The following RSAD2 variants were observed in gnomAD, a reference collection of about 807,000 sequenced individuals.
The protein encoded by RSAD2 is S-adenosylmethionine-dependent nucleotide dehydratase RSAD2.
RSAD2 carries 38 observed loss-of-function variants against 37.7 expected under a neutral mutation model. That is an observed-to-expected ratio of 1.01 (90% CI 0.78 to 1.32). RSAD2 has a LOEUF of 1.32. Ranked by LOEUF, RSAD2 falls within the 40% of genes most tolerant of loss-of-function variation. The pLI is 0.00. For missense variants in RSAD2, 428 were observed against 437.5 expected (o/e 0.98, Z 0.19); for synonymous variants, 163 against 157.4 (o/e 1.04, Z -0.27).
rs1053189122 is a variant in RSAD2, at chr2:6,896,198, G to A, written c.*256G>A. 3.6e-5 allele frequency: 13 copies of A among 362,964 alleles called. No individual in the cohort carries two copies. Among genetic ancestry groups the A allele is most frequent in the African/African-American group, 2.2e-4 (11 of 48,958 alleles). 22.5% of individuals were successfully genotyped at this position (362,964 alleles called of 1,614,324 possible). A position where few individuals can be genotyped will look rare whatever the true frequency, so the allele number is the denominator to read the frequency against. Reference sequence around the variant, plus strand: ...ATTGAAACAGCACTTCTGTTTTTGAGTTTGTTTTAGCTAAAAAGAAGGAAT... The same window carrying A: ...ATTGAAACAGCACTTCTGTTTTTGAATTTGTTTTAGCTAAAAAGAAGGAAT... On this transcript the variant is annotated 3_prime_UTR_variant, in exon 6 of 6. Transcript: ENST00000382040.
chr2:6,884,016 G>C (rs755920936), intron 2 of RSAD2, among the ~76,000 whole-genome samples: 2 of 152,160 alleles, frequency 1.3e-5, no homozygotes, highest in Non-Finnish European at 2.9e-5. Context: ...GAGATTCCTC[G>C]CAGTTCAGTT....
rs758309541 is a variant in RSAD2 at position 6,879,018 on chromosome 2, T to C, written c.346+872T>C. 2.4e-4 allele frequency: 113 copies of C among 465,236 alleles called. 1 individual carries two copies. Among genetic ancestry groups the C allele is most frequent in the Non-Finnish European group, 1.8e-4 (43 of 235,298 alleles). The allele number at this position is 465,236 out of a possible 1,614,324, so 28.8% of individuals were successfully genotyped here. On this transcript the variant is annotated intron_variant, in intron 1 of 5. Coordinates refer to ENST00000382040, the MANE Select transcript of RSAD2 (RefSeq NM_080657.5). ...AAGCATCACCAGCGCCAGAAGTGCA[T>C]GCTGCACTCCAGCCACTACCCTGGT...
Position 6,897,399 on chromosome 2 carries a change from T to C in RSAD2, c.*1457T>C, listed in dbSNP as rs529901553. The C allele has an allele frequency of 6.6e-6, 1 of 152,242 alleles. No homozygotes were observed. The highest frequency in any genetic ancestry group is 2.4e-5 in the African/African-American group (1 of 41,464). The allele number at this position is 152,242 out of a possible 1,614,324, so 9.4% of individuals were successfully genotyped here. On this transcript the variant is annotated 3_prime_UTR_variant, in exon 6 of 6. Transcript: ENST00000382040. ...GTCATTAAGCACCATCCAAAAAGTC[T>C]GCTTCATAATCTATTTTCAAGACTT...
chr2:6,866,060 G>A, intron 1 of RSAD2: 1 of 291,580 alleles, frequency 3.4e-6, no homozygotes, highest in Non-Finnish European at 6.3e-6. Flanking sequence ...CTCCGTGTGC[G>A]TTCTGCGGGT....
chr2:6,879,083 C>G (rs1222627613), intron 1 of RSAD2: 2 of 456,116 alleles, frequency 4.4e-6, no homozygotes, highest in Non-Finnish European at 8.8e-6. Context: ...TTCATTTTGC[C>G]TGATCCTGTA....
chr2:6,868,788 G>A (rs576259123), intron 1 of RSAD2, among the ~76,000 whole-genome samples: 49 of 152,250 alleles, frequency 3.2e-4, no homozygotes, highest in African/African-American at 1.2e-3. Context: ...GCCATAACAG[G>A]TCCAGCTGCT....
intron 2 of RSAD2, among the ~76,000 whole-genome samples, chr2:6,885,211 G>A (rs1320711112): frequency 6.6e-6 from 1 of 152,112 alleles, no homozygotes; most frequent in African/African-American, 2.4e-5. Flanking sequence ...TCCATCCCAG[G>A]CCTCATAGGT....
chr2:6,893,457 A>G lies in RSAD2; in HGVS notation c.889-214A>G, dbSNP rs78274158. On this transcript the variant is annotated intron_variant, in intron 4 of 5. Transcript: ENST00000382040. ...GGTTCTGATGTGTGACCTTTTCAGCAAAGAGCAGAGAATCCAGGCCTGCTG... is the reference window on the plus strand; with the variant it reads ...GGTTCTGATGTGTGACCTTTTCAGCGAAGAGCAGAGAATCCAGGCCTGCTG... Among the ~76,000 whole-genome samples, 1,336 of 152,300 alleles carry G rather than the reference A, an allele frequency of 8.8e-3. 15 individuals carry two copies. The highest frequency in any genetic ancestry group is 0.031 in the African/African-American group (1,284 of 41,560).
chr2:6,881,219 G>C (rs557039534), intron 1 of RSAD2, among the ~76,000 whole-genome samples: 1 of 152,154 alleles, frequency 6.6e-6, no homozygotes, highest in South Asian at 2.1e-4. Flanking sequence ...TTTTGTTTTC[G>C]GGTTATAATG....
At chr2:6,878,424 G>A (rs995186203) in intron 1 of RSAD2, among the ~76,000 whole-genome samples, 3 of 152,214 alleles carry the variant, frequency 2.0e-5, no homozygotes, top group Non-Finnish European at 4.4e-5. Flanking sequence ...AGGGGTCTAT[G>A]CAAAGGGCAG....
chr2:6,865,974 G>A (rs1288013272), exon 1 of RSAD2: 15 of 972,582 alleles, frequency 1.5e-5, no homozygotes, highest in Non-Finnish European at 1.9e-5. Flanking sequence ...GCGGCTCCGC[G>A]GGCCTGCGCG....
chr2:6,894,486 C>G (rs188884790), intron 5 of RSAD2, among the ~76,000 whole-genome samples: 1 of 150,024 alleles, frequency 6.7e-6, no homozygotes, highest in Admixed American at 6.6e-5. Flanking sequence ...CTTTTTTTTT[C>G]TGAGATAGGT....
intron 5 of RSAD2, among the ~76,000 whole-genome samples, chr2:6,894,709 G>A (rs370592960): frequency 6.6e-6 from 1 of 152,180 alleles, no homozygotes; most frequent in Non-Finnish European, 1.5e-5. Flanking sequence ...GGCCTCCCCA[G>A]ATGCTGGGAT....
At chr2:6,889,868 T>C (rs1170933261) in intron 3 of RSAD2, among the ~76,000 whole-genome samples, 2 of 152,258 alleles carry the variant, frequency 1.3e-5, no homozygotes, top group Non-Finnish European at 2.9e-5. Context: ...ATTTTTATGC[T>C]CTTTTATAGT....
At position 6,895,878 on chromosome 2, in the gene RSAD2, A is replaced by C. The variant is rs1271590352; in HGVS notation, c.1022A>C (p.Lys341Thr). 5 of 1,614,194 alleles carry C rather than the reference A, an allele frequency of 3.1e-6. No individual in the cohort carries two copies. The highest frequency in any genetic ancestry group is 4.2e-6 in the Non-Finnish European group (5 of 1,180,014). The change falls in exon 6 of 6, where the codon AAG becomes ACG. Residue 341 changes from lysine to threonine, a missense_variant. Coordinates refer to ENST00000382040, the MANE Select transcript of RSAD2 (RefSeq NM_080657.5). ...EAIKFSGFDE[K>T]MFLKRGGKYI... ...ATAAAATTCAGTGGATTTGATGAAA[A>C]GATGTTTCTGAAGCGAGGAGGAAAA...
In RSAD2 at chr2:6,891,490, G is replaced by A. The variant is rs537352769; in HGVS notation, c.888+1165G>A. Among the ~76,000 whole-genome samples the A allele has an allele frequency of 2.6e-5, 4 of 152,278 alleles. No homozygotes were observed. In the South Asian group the frequency reaches 6.2e-4, roughly 24 times the overall value. On this transcript the variant is annotated intron_variant, in intron 4 of 5. Coordinates refer to ENST00000382040, the MANE Select transcript of RSAD2 (RefSeq NM_080657.5). Reference sequence around the variant, plus strand: ...TGCAGTATTAAGAATAATACCGGCCGGGCGCGGTGGCTCACGCCTGTAATC... The same window carrying A: ...TGCAGTATTAAGAATAATACCGGCCAGGCGCGGTGGCTCACGCCTGTAATC...
intron 3 of RSAD2, among the ~76,000 whole-genome samples, chr2:6,888,639 C>T (rs991088356): frequency 6.6e-6 from 1 of 152,160 alleles, no homozygotes; most frequent in African/African-American, 2.4e-5. Flanking sequence ...TGGCCTTTCT[C>T]TCAGATATTT....
chr2:6,866,910 G>C (rs1478153725), intron 1 of RSAD2, among the ~76,000 whole-genome samples: 1 of 152,004 alleles, frequency 6.6e-6, no homozygotes. Context: ...GTGAAATATA[G>C]ATAGGTGGTT....
intron 1 of RSAD2, chr2:6,878,718 T>G (rs1005165821): frequency 9.8e-6 from 5 of 511,860 alleles, no homozygotes; most frequent in Non-Finnish European, 1.4e-5. Flanking sequence ...CATTAGTAAC[T>G]GGCAGCGTCT....
Sources: gnomAD v4.1 joint callset for allele counts (sites outside exome capture counted in the v4.1 genomes callset) on GRCh38, gnomAD v4.1.1 for gene constraint, MANE v1.5 for transcripts, NCBI Gene and HGNC (gene_info 2026-07-23, HGNC 2026-07-21) for gene names.